The following NFKBIL1 variants were observed in gnomAD, a reference collection of about 807,000 sequenced individuals.
NFKBIL1 encodes NFKB inhibitor like 1, also known as NF-kappa-B inhibitor-like protein 1.
NFKBIL1 carries 30 observed loss-of-function variants against 45.4 expected under a neutral mutation model. The ratio of observed to expected loss-of-function variants is 0.66; its 90% CI spans 0.49 to 0.90. The LOEUF is 0.90. Among genes scored for constraint, NFKBIL1 ranks in the 40% least tolerant of loss-of-function variants. NFKBIL1 has a pLI of 0.00. For synonymous variants in NFKBIL1, 179 were observed against 197.3 expected, an observed-to-expected ratio of 0.91 and a Z score of 0.78; for missense variants, 434 against 513.4, an observed-to-expected ratio of 0.85 and a Z score of 1.49.
At position 31,557,801 on chromosome 6, in the gene NFKBIL1, CAG is replaced by C. The variant is rs776614833; in HGVS notation, c.509_510del (p.Gln170ArgfsTer2). 1.9e-6 allele frequency: 3 copies of C among 1,610,120 alleles called. No homozygotes were observed. Among genetic ancestry groups the C allele is most frequent in the Non-Finnish European group, 8.5e-7 (1 of 1,177,188 alleles). The stretch of plus-strand genomic sequence containing the variant: ...GGAGCGGGAATGGAGACAGAAGCTC[CAG>C]GGTGAGCTGGAGGACGAGTGGCAGG... ...SKEREWRQKL[Q>X]GELEDEWQEV... On this transcript the variant is annotated frameshift_variant, in exon 3 of 4. Coordinates refer to ENST00000376148, the MANE Select transcript of NFKBIL1 (RefSeq NM_005007.4). LOFTEE classifies it high-confidence loss of function. The surrounding 1 kb of genome is among the most constrained non-coding windows in gnomAD (Gnocchi z 5.4).
In NFKBIL1 at chr6:31,558,404, G is replaced by A; in HGVS notation, c.939G>A (p.Met313Ile). The A allele has an allele frequency of 6.4e-7, 1 of 1,551,058 alleles. No homozygotes were observed. Among genetic ancestry groups the A allele is most frequent in the Non-Finnish European group, 8.7e-7 (1 of 1,147,012 alleles). ...CTGGGGGAGGGGACCCAGAGGCCAT[G>A]GCTGCAGCCCTGGTGGCCAGGGGCC... ...PCPGGGDPEA[M>I]AAALVARGPP... Residue 313 changes from methionine (M) to isoleucine (I), a missense_variant, in exon 4 of 4, where the codon ATG becomes ATA. By Grantham distance (10) the Met-to-Ile change is conservative (BLOSUM62 1). Transcript: ENST00000376148. The surrounding 1 kb of genome is among the most constrained non-coding windows in gnomAD (Gnocchi z 7.2).
Position 31,558,759 on chromosome 6 carries a change from TG to T in NFKBIL1, c.*154del, listed in dbSNP as rs1249386419. 41 of 496,614 alleles carry T rather than the reference TG, an allele frequency of 8.3e-5. No homozygotes were observed. The highest frequency in any genetic ancestry group is 1.7e-4 in the Admixed American group (5 of 29,688). 30.8% of individuals were successfully genotyped at this position (496,614 alleles called of 1,614,324 possible). On this transcript the variant is annotated 3_prime_UTR_variant, in exon 4 of 4. Coordinates refer to ENST00000376148, the MANE Select transcript of NFKBIL1 (RefSeq NM_005007.4). The surrounding 1 kb of genome is among the most constrained non-coding windows in gnomAD (Gnocchi z 7.2). ...GAGCGAAAGTTGTAACAAGTGGGGG[TG>T]GGGGGTGCGGGCCGCCACCACTGCT... is the stretch of plus-strand genomic sequence containing the variant.
rs777359918 is a variant in NFKBIL1 at position 31,558,262 on chromosome 6, A to C, written c.797A>C (p.Gln266Pro). ...CGTGAGAGCCGAGCCAGGAGGGCGC[A>C]GGAGGCTCTAGGGGACCGAGAACCC... ...ELRESRARRAQEALGDREPKP... is the reference protein window; with the variant it reads ...ELRESRARRAPEALGDREPKP... Residue 266 changes from glutamine (Q) to proline (P), a missense_variant, in exon 4 of 4, where the codon CAG (glutamine) becomes CCG (proline). This residue lies in a region of NFKBIL1 where 128 missense variants were observed against 106.5 expected (regional missense o/e 1.20). Transcript: ENST00000376148. The surrounding 1 kb of genome is among the most constrained non-coding windows in gnomAD (Gnocchi z 7.2). The C allele has an allele frequency of 2.5e-6, 4 of 1,590,640 alleles. No individual in the cohort carries two copies. The highest frequency in any genetic ancestry group is 3.4e-6 in the Non-Finnish European group (4 of 1,168,558).
rs534032883 is a variant in NFKBIL1, at chr6:31,556,234, C to G, written c.335-1394C>G. 8.5e-5 allele frequency among the ~76,000 whole-genome samples: 13 copies of G among 152,202 alleles called. No individual in the cohort carries two copies. The East Asian group carries it at 2.1e-3, about 25-fold the overall frequency. ...GCAGCACTAGGGAGAAGTGCCCCCC[C>G]CCACCAACCCTGATGTGATTTGGGT... On this transcript the variant is annotated intron_variant, in intron 2 of 3. Transcript: ENST00000376148.
Position 31,558,724 on chromosome 6 carries a change from A to T in NFKBIL1, c.*113A>T. 2 of 883,602 alleles carry T rather than the reference A, an allele frequency of 2.3e-6. No homozygotes were observed. The highest frequency in any genetic ancestry group is 3.3e-6 in the Non-Finnish European group (2 of 598,174). 54.7% of individuals were successfully genotyped at this position (883,602 alleles called of 1,614,324 possible). A position where few individuals can be genotyped will look rare whatever the true frequency, so the allele number is the denominator to read the frequency against. ...AGAGCCAGGTGCTGCTCAGCAGAGG[A>T]TATGGGTGGGAGCGAAAGTTGTAAC... On this transcript the variant is annotated 3_prime_UTR_variant, in exon 4 of 4. Coordinates refer to ENST00000376148, the MANE Select transcript of NFKBIL1 (RefSeq NM_005007.4). This position sits in a 1 kb window ranked among gnomAD's most constrained non-coding sequence, Gnocchi z 7.2.
rs1044956424 is a variant in NFKBIL1, at chr6:31,557,911, A to G, written c.556+62A>G. On this transcript the variant is annotated intron_variant, in intron 3 of 3. Coordinates refer to ENST00000376148, the MANE Select transcript of NFKBIL1 (RefSeq NM_005007.4). This position sits in a 1 kb window ranked among gnomAD's most constrained non-coding sequence, Gnocchi z 5.4. ...CACTGGCTGCTTTCCATCTGCATGA[A>G]TGCGTCACACTAGGCTCCTCTGCCC... 2.0e-6 allele frequency: 3 copies of G among 1,517,824 alleles called. No homozygotes were observed. Among genetic ancestry groups the G allele is most frequent in the Non-Finnish European group, 1.8e-6 (2 of 1,119,164 alleles). 94.0% of individuals were successfully genotyped at this position (1,517,824 alleles called of 1,614,324 possible). A position where few individuals can be genotyped will look rare whatever the true frequency, so the allele number is the denominator to read the frequency against.
At chr6:31,546,898 A>C (rs1294065455), upstream of NFKBIL1, 1 of 331,542 alleles carries the variant, frequency 3.0e-6, no homozygotes. This position sits in a 1 kb window ranked among gnomAD's most constrained non-coding sequence, Gnocchi z 4.1. Context: ...GAGACGGGGG[A>C]GTACTGAGGT....
At chr6:31,555,806 T>TTA (rs1188469627) in intron 2 of NFKBIL1, among the ~76,000 whole-genome samples, 1 of 148,360 alleles carries the variant, frequency 6.7e-6, no homozygotes, top group African/African-American at 2.5e-5. Context: ...TAAAATATAA[T>TTA]TATATATATA....
rs1265905739 is a variant in NFKBIL1, at chr6:31,558,294, A to T, written c.829A>T (p.Thr277Ser). 1.3e-6 allele frequency: 2 copies of T among 1,582,364 alleles called. No individual in the cohort carries two copies. The highest frequency in any genetic ancestry group is 4.5e-5 in the East Asian group (2 of 44,090). The stretch of plus-strand genomic sequence containing the variant: ...TCTAGGGGACCGAGAACCCAAGCCA[A>T]CCAGGGCCGGGCCCAGGGAAGAGCA... ...EALGDREPKP[T>S]RAGPREEHPR... is the part of the protein sequence containing the mutation. The change falls in exon 4 of 4, where the codon ACC (threonine) becomes TCC (serine). Residue 277 changes from threonine to serine, a missense_variant. Coordinates refer to ENST00000376148, the MANE Select transcript of NFKBIL1 (RefSeq NM_005007.4). The surrounding 1 kb of genome is among the most constrained non-coding windows in gnomAD (Gnocchi z 7.2).
chr6:31,547,861 A>T, intron 1 of NFKBIL1, 110 bp downstream of exon 1: 1 of 983,922 alleles, frequency 1.0e-6, no homozygotes, highest in Non-Finnish European at 1.5e-6. Flanking sequence ...GGGTTTTTTT[A>T]AAGTTCTTTG....
upstream of NFKBIL1, chr6:31,547,607 C>T (rs201902832): frequency 3.4e-6 from 3 of 886,458 alleles, no homozygotes; most frequent in South Asian, 4.7e-5. Context: ...AGTGTCTCCG[C>T]CCTTCCCGCC....
chr6:31,547,523 A>G, upstream of NFKBIL1: 1 of 461,210 alleles, frequency 2.2e-6, no homozygotes, highest in Admixed American at 4.0e-5. Flanking sequence ...GCGGAACGAC[A>G]TCCGGTAACG....
chr6:31,553,469 C>T (rs893575963), intron 2 of NFKBIL1, among the ~76,000 whole-genome samples: 1 of 152,102 alleles, frequency 6.6e-6, no homozygotes, highest in Non-Finnish European at 1.5e-5. Context: ...AAGGTACACA[C>T]CAAATTCATG....
At position 31,548,285 on chromosome 6, in the gene NFKBIL1, T is replaced by G. The variant is rs767213756; in HGVS notation, c.180T>G (p.Asp60Glu). ...TCCTCCAGCGACACCCAGGCCTCGA[T>G]GTAGATGCTGGGCAGCCCCCACCAC... ...QALLQRHPGL[D>E]VDAGQPPPLH... The change falls in exon 2 of 4, where the codon GAT becomes GAG. Residue 60 changes from aspartate to glutamate, a missense_variant. By Grantham distance (45) the Asp-to-Glu change is conservative (BLOSUM62 2). Transcript: ENST00000376148. 6.2e-7 allele frequency: 1 copy of G among 1,611,904 alleles called. No individual in the cohort carries two copies. Among genetic ancestry groups the G allele is most frequent in the Non-Finnish European group, 8.5e-7 (1 of 1,179,710 alleles).
upstream of NFKBIL1, chr6:31,546,931 T>A: frequency 4.0e-6 from 1 of 252,496 alleles, no homozygotes. The surrounding 1 kb of genome is among the most constrained non-coding windows in gnomAD (Gnocchi z 4.1). Context: ...ACTTGATTGG[T>A]GGTAACAGAG....
At chr6:31,556,667 TCA>T in intron 2 of NFKBIL1, 1 of 457,210 alleles carries the variant, frequency 2.2e-6, no homozygotes, top group South Asian at 1.5e-5. Context: ...AGACCCTCTG[TCA>T]CACTCCACTC....
chr6:31,550,847 G>A lies in NFKBIL1; in HGVS notation c.334+2408G>A, dbSNP rs1424316884. 5.3e-5 allele frequency among the ~76,000 whole-genome samples: 8 copies of A among 151,968 alleles called. No homozygotes were observed. In the East Asian group the frequency reaches 1.2e-3, roughly 22 times the overall value. On this transcript the variant is annotated intron_variant, in intron 2 of 3. Coordinates refer to ENST00000376148, the MANE Select transcript of NFKBIL1 (RefSeq NM_005007.4). Reference sequence around the variant, plus strand: ...TGGGATTACAGGCATGCACCATCACGCCCGGCTAATTTTGTATTTTTGGTA... The same window carrying A: ...TGGGATTACAGGCATGCACCATCACACCCGGCTAATTTTGTATTTTTGGTA...
chr6:31,547,412 T>A (rs951678269), upstream of NFKBIL1, among the ~76,000 whole-genome samples: 2 of 152,050 alleles, frequency 1.3e-5, no homozygotes, highest in Admixed American at 6.6e-5. Context: ...CCTCGCCTCC[T>A]TTTCCTCGCC....
At position 31,553,346 on chromosome 6, in the gene NFKBIL1, C is replaced by T. The variant is rs74459760; in HGVS notation, c.335-4282C>T. On this transcript the variant is annotated intron_variant, in intron 2 of 3. Coordinates refer to ENST00000376148, the MANE Select transcript of NFKBIL1 (RefSeq NM_005007.4). ...GAGCCACTGTGCCTGACCAGGTGAA[C>T]TATTTTATAAATAATATTGGAACAT... Among the ~76,000 whole-genome samples, 1,507 of 151,890 alleles carry T rather than the reference C, an allele frequency of 9.9e-3. 7 individuals carry two copies. Among genetic ancestry groups the T allele is most frequent in the South Asian group, 0.031 (151 of 4,812 alleles).
Sources: gnomAD v4.1 joint callset for allele counts (sites outside exome capture counted in the v4.1 genomes callset) on GRCh38, gnomAD v4.1.1 for gene constraint, gnomAD v4.1.1 regional missense constraint, Gnocchi (gnomAD v3.1) non-coding constraint, MANE v1.5 for transcripts, NCBI Gene and HGNC (gene_info 2026-07-23, HGNC 2026-07-21) for gene names.